KCNT2: variants seen among roughly 807,000 people sequenced by gnomAD.
The protein encoded by KCNT2 is potassium sodium-activated channel subfamily T member 2, also known as potassium channel subfamily T member 2.
KCNT2 carries 67 observed loss-of-function variants against 153.8 expected under a neutral mutation model. The observed-to-expected ratio is 0.44, with a 90% confidence interval of 0.36 to 0.53. The LOEUF is 0.53. KCNT2 is among the 20% of genes least tolerant of loss of function. The pLI, the probability that KCNT2 is intolerant of heterozygous loss-of-function variation, is 0.00. For synonymous variants in KCNT2, 500 were observed against 458.8 expected (o/e 1.09, Z -1.15); for missense variants, 975 against 1,354.8 (o/e 0.72, Z 4.40).
intron 1 of KCNT2, among the ~76,000 whole-genome samples, chr1:196,580,034 A>G (rs993163870): frequency 6.6e-6 from 1 of 152,168 alleles, no homozygotes; most frequent in Non-Finnish European, 1.5e-5. Context: ...AGGTAGAATA[A>G]AAAGATTTTC....
At chr1:196,546,948 G>C (rs575003620) in intron 1 of KCNT2, among the ~76,000 whole-genome samples, 11 of 151,938 alleles carry the variant, frequency 7.2e-5, no homozygotes, top group Admixed American at 1.3e-4. Context: ...TACAAGGACA[G>C]CATATGTAAA....
chr1:196,586,168 A>G (rs1045559843), intron 1 of KCNT2, among the ~76,000 whole-genome samples: 2 of 152,046 alleles, frequency 1.3e-5, no homozygotes, highest in Admixed American at 1.3e-4. Context: ...GGAGGCTGAG[A>G]CAGGAGGATC....
At chr1:196,366,164 A>T (rs1924756) in intron 14 of KCNT2, among the ~76,000 whole-genome samples, 23,529 of 145,644 alleles carry the variant, frequency 0.16, 2,116 homozygotes, top group African/African-American at 0.24. Flanking sequence ...TTTAATTATT[A>T]TTTTTTTTTT....
At chr1:196,267,489 T>C (rs898569060) in intron 25 of KCNT2, among the ~76,000 whole-genome samples, 1 of 152,174 alleles carries the variant, frequency 6.6e-6, no homozygotes, top group African/African-American at 2.4e-5. Flanking sequence ...TTTATGCTCC[T>C]ACTTGCAAAC....
intron 1 of KCNT2, among the ~76,000 whole-genome samples, chr1:196,570,100 T>TAAAAAAAA (rs1553256605): frequency 5.2e-4 from 67 of 129,460 alleles, no homozygotes; most frequent in African/African-American, 2.6e-3. Context: ...AAAAAAAAAT[T>TAAAAAAAA]AAAGGCCTTT....
chr1:196,430,398 CTCTCTCTCTT>C (rs1324956377), intron 8 of KCNT2, among the ~76,000 whole-genome samples: 10 of 148,392 alleles, frequency 6.7e-5, no homozygotes, highest in African/African-American at 2.1e-4. Context: ...CTCTCTCTCT[CTCTCTCTCTT>C]TCTCTCTCTC....
intron 1 of KCNT2, among the ~76,000 whole-genome samples, chr1:196,548,566 A>G: frequency 6.6e-6 from 1 of 151,996 alleles, no homozygotes; most frequent in Non-Finnish European, 1.5e-5. Context: ...GGGACTGTAA[A>G]CTAGTTCAAC....
At chr1:196,249,610 T>C (rs1301048395) in intron 26 of KCNT2, among the ~76,000 whole-genome samples, 2 of 151,966 alleles carry the variant, frequency 1.3e-5, no homozygotes, top group South Asian at 2.1e-4. Context: ...CTGTCTCTAC[T>C]AAAAATACAA....
chr1:196,300,015 G>A (rs1305596489), intron 22 of KCNT2, among the ~76,000 whole-genome samples: 6 of 152,148 alleles, frequency 3.9e-5, no homozygotes, highest in Non-Finnish European at 5.9e-5. Context: ...GCACAGAAAG[G>A]CAAATATAGT....
intron 1 of KCNT2, among the ~76,000 whole-genome samples, chr1:196,548,697 C>A (rs186647589): frequency 2.0e-4 from 30 of 151,700 alleles, no homozygotes; most frequent in Non-Finnish European, 4.0e-4. Flanking sequence ...TATAAAGACA[C>A]ATGCACACGT....
At chr1:196,521,991 G>C (rs1335596615) in intron 1 of KCNT2, among the ~76,000 whole-genome samples, 1 of 151,594 alleles carries the variant, frequency 6.6e-6, no homozygotes, top group Non-Finnish European at 1.5e-5. Flanking sequence ...AAAGATGAAT[G>C]TCAGGAATTC....
chr1:196,308,203 A>G (rs1021113395), intron 21 of KCNT2, among the ~76,000 whole-genome samples: 1 of 151,974 alleles, frequency 6.6e-6, no homozygotes, highest in East Asian at 1.9e-4. Flanking sequence ...TAAAACAATA[A>G]CTATAAAGCA....
intron 13 of KCNT2, among the ~76,000 whole-genome samples, chr1:196,377,287 C>T (rs1028808702): frequency 1.3e-4 from 20 of 151,690 alleles, no homozygotes; most frequent in Non-Finnish European, 2.4e-4. Context: ...GAGAGAGTGA[C>T]GGTGAGCTGG....
At chr1:196,590,426 A>C (rs1013587935) in intron 1 of KCNT2, among the ~76,000 whole-genome samples, 1 of 152,206 alleles carries the variant, frequency 6.6e-6, no homozygotes, top group African/African-American at 2.4e-5. Context: ...GCTTGTTATA[A>C]GAAAGAGAAA....
chr1:196,543,740 A>C (rs1436880866), intron 1 of KCNT2, among the ~76,000 whole-genome samples: 1 of 152,164 alleles, frequency 6.6e-6, no homozygotes, highest in African/African-American at 2.4e-5. Flanking sequence ...AAATAATGAC[A>C]ACCCTATATG....
chr1:196,469,834 T>C (rs774031047), intron 5 of KCNT2, among the ~76,000 whole-genome samples: 2 of 152,186 alleles, frequency 1.3e-5, no homozygotes, highest in Non-Finnish European at 2.9e-5. Flanking sequence ...GAGCACAGAC[T>C]TTCCTAAAGC....
intron 12 of KCNT2, among the ~76,000 whole-genome samples, chr1:196,418,804 C>A (rs565399628): frequency 6.6e-6 from 1 of 152,086 alleles, no homozygotes; most frequent in Non-Finnish European, 1.5e-5. Flanking sequence ...GGAGTTAGGG[C>A]TCCAACAAGT....
At chr1:196,287,249 G>T (rs74133656) in intron 22 of KCNT2, among the ~76,000 whole-genome samples, 1 of 152,026 alleles carries the variant, frequency 6.6e-6, no homozygotes, top group Non-Finnish European at 1.5e-5. Context: ...GTGGCTTGCA[G>T]ATGACTGGAG....
chr1:196,594,941 C>T (rs1333136083), intron 1 of KCNT2, among the ~76,000 whole-genome samples: 2 of 152,032 alleles, frequency 1.3e-5, no homozygotes, highest in African/African-American at 2.4e-5. Flanking sequence ...ATAGCATTAA[C>T]GGCATACCAT....
Sources: allele counts gnomAD v4.1 joint callset (sites outside exome capture counted in the v4.1 genomes callset), GRCh38; gene constraint gnomAD v4.1.1; transcripts MANE v1.5; gene names NCBI Gene and HGNC (gene_info 2026-07-23, HGNC 2026-07-21).